FAM13C: variants seen among roughly 807,000 people sequenced by gnomAD.
FAM13C encodes family with sequence similarity 13 member C.
A neutral mutation model predicts 73.2 loss-of-function variants in FAM13C; 37 were observed. That is an observed-to-expected ratio of 0.51 (90% CI 0.39 to 0.67). FAM13C has a LOEUF of 0.67. Among genes scored for constraint, FAM13C ranks in the 30% least tolerant of loss-of-function variants. The pLI, the probability that FAM13C is intolerant of heterozygous loss-of-function variation, is 0.00. For synonymous variants in FAM13C, 246 were observed against 260.9 expected (o/e 0.94, Z 0.55); for missense variants, 589 against 715.6 (o/e 0.82, Z 2.02).
At chr10:59,298,197 C>T (rs1322870434) in intron 5 of FAM13C, among the ~76,000 whole-genome samples, 1 of 152,116 alleles carries the variant, frequency 6.6e-6, no homozygotes, top group African/African-American at 2.4e-5. Flanking sequence ...AATGCCAGCA[C>T]AAGAGAGTTT....
At chr10:59,321,088 C>T (rs905836242) in intron 4 of FAM13C, among the ~76,000 whole-genome samples, 4 of 152,090 alleles carry the variant, frequency 2.6e-5, no homozygotes, top group African/African-American at 4.8e-5. Context: ...TAATAGCTCC[C>T]CAAAGATGTC....
At position 59,355,801 on chromosome 10, in the gene FAM13C, G is replaced by T. The variant is rs1855638318; in HGVS notation, c.119+86C>A. 4 of 1,224,640 alleles carry T rather than the reference G, an allele frequency of 3.3e-6. No homozygotes were observed. In the East Asian group the frequency reaches 9.3e-5, roughly 29 times the overall value. 75.9% of individuals were successfully genotyped at this position (1,224,640 alleles called of 1,614,324 possible). A position where few individuals can be genotyped will look rare whatever the true frequency, so the allele number is the denominator to read the frequency against. ...TGAGAACAAATAATTGGAATTCAAA[G>T]AAGAGACTAGAATTCAAAGGAAAGC... On this transcript the variant is annotated intron_variant, in intron 2 of 13. Transcript: ENST00000618804.
intron 13 of FAM13C, among the ~76,000 whole-genome samples, chr10:59,249,265 G>A (rs527567001): frequency 5.9e-5 from 9 of 151,992 alleles, no homozygotes; most frequent in South Asian, 2.1e-4. Flanking sequence ...TTAGCCACGC[G>A]TGGTGGCGTA....
intron 3 of FAM13C, among the ~76,000 whole-genome samples, chr10:59,340,501 C>A (rs1159713929): frequency 6.6e-6 from 1 of 152,024 alleles, no homozygotes. Context: ...GGCACTTGGC[C>A]CAAGAATGAC....
rs1157318313 is a variant in FAM13C, at chr10:59,252,811, T to C, written c.1520A>G (p.His507Arg). 6.2e-7 allele frequency: 1 copy of C among 1,613,778 alleles called. No homozygotes were observed. The highest frequency in any genetic ancestry group is 8.5e-7 in the Non-Finnish European group (1 of 1,179,962). The change falls in exon 12 of 14, where the codon CAT (histidine) becomes CGT (arginine). Residue 507 changes from histidine to arginine, a missense_variant. By Grantham distance (29) the His-to-Arg change is conservative. Transcript: ENST00000618804. ...KPPALSMSNL[H>R]EATMPVLLDH... is the part of the protein sequence containing the mutation. ...GATTCATACTCACATGGTAGCCTCA[T>C]GTAAATTAGACATGGAGAGAGCTGG... is the stretch of plus-strand genomic sequence containing the variant.
chr10:59,321,409 A>G (rs1390492334), intron 4 of FAM13C, among the ~76,000 whole-genome samples: 2 of 149,742 alleles, frequency 1.3e-5, no homozygotes, highest in Non-Finnish European at 3.0e-5. Context: ...AGCCTCTAGA[A>G]AGGAATGGAG....
At chr10:59,293,057 T>TTTTTTC (rs1228712825) in intron 5 of FAM13C, among the ~76,000 whole-genome samples, 2 of 121,256 alleles carry the variant, frequency 1.6e-5, no homozygotes, top group African/African-American at 6.1e-5. Flanking sequence ...GAGATCAACA[T>TTTTTTC]TTTTTCTTTT....
In FAM13C at chr10:59,268,582, C is replaced by T; in HGVS notation, c.913G>A (p.Glu305Lys). ...SLKRKIRKFE[E>K]KFEQEKKYRP... Reference sequence around the variant, plus strand: ...TATTTCTTTTCTTGTTCAAATTTTTCTTCAAATTTCCGAATTTTCCGCTTG... The same window carrying T: ...TATTTCTTTTCTTGTTCAAATTTTTTTTCAAATTTCCGAATTTTCCGCTTG... The change falls in exon 8 of 14, where the codon GAA becomes AAA. Residue 305 changes from glutamate (E) to lysine (K), a missense_variant. By Grantham distance (56) the Glu-to-Lys change is moderately conservative. Transcript: ENST00000618804. The T allele has an allele frequency of 6.2e-7, 1 of 1,613,824 alleles. No individual in the cohort carries two copies.
intron 13 of FAM13C, among the ~76,000 whole-genome samples, chr10:59,248,058 C>A (rs1038593792): frequency 2.6e-5 from 4 of 152,124 alleles, no homozygotes; most frequent in Non-Finnish European, 5.9e-5. Context: ...TCAAGGCATT[C>A]TTTGTCCAGT....
chr10:59,263,943 T>C (rs1842768407), intron 9 of FAM13C, 142 bp downstream of exon 9: 2 of 760,558 alleles, frequency 2.6e-6, no homozygotes, highest in Middle Eastern at 2.3e-4. Context: ...GGGTGCTTTA[T>C]TTCAAAAGGG....
intron 3 of FAM13C, among the ~76,000 whole-genome samples, chr10:59,351,846 A>G (rs1482674457): frequency 2.6e-5 from 4 of 152,048 alleles, no homozygotes; most frequent in African/African-American, 7.2e-5. Flanking sequence ...ATACAAAAAA[A>G]TTAGCCAGGC....
chr10:59,306,598 G>A (rs578140959), intron 4 of FAM13C, among the ~76,000 whole-genome samples: 6 of 152,316 alleles, frequency 3.9e-5, no homozygotes, highest in Admixed American at 6.5e-5. Context: ...GTGAGAGGCC[G>A]GGCGTTGTGT....
intron 4 of FAM13C, among the ~76,000 whole-genome samples, chr10:59,304,404 T>G (rs1031479362): frequency 3.3e-5 from 5 of 152,218 alleles, no homozygotes; most frequent in Non-Finnish European, 7.3e-5. Context: ...CAACTGCTTT[T>G]GGCATCACTG....
At chr10:59,267,675 C>T (rs1843216455) in intron 8 of FAM13C, among the ~76,000 whole-genome samples, 1 of 152,156 alleles carries the variant, frequency 6.6e-6, no homozygotes, top group African/African-American at 2.4e-5. Context: ...TTCTCACCTC[C>T]CTCCCCAGTA....
intron 8 of FAM13C, among the ~76,000 whole-genome samples, chr10:59,266,271 C>T (rs1843055313): frequency 6.6e-6 from 1 of 152,120 alleles, no homozygotes; most frequent in Non-Finnish European, 1.5e-5. Flanking sequence ...GTCCAATAAT[C>T]AAATGCAAAA....
intron 13 of FAM13C, 133 bp downstream of exon 13, chr10:59,251,442 C>A (rs1412971031): frequency 2.6e-6 from 2 of 774,582 alleles, no homozygotes; most frequent in South Asian, 3.1e-5. Flanking sequence ...TTGGACAAAT[C>A]CTGAGTCTAA....
At chr10:59,320,717 A>C (rs1850117847) in intron 4 of FAM13C, among the ~76,000 whole-genome samples, 1 of 152,246 alleles carries the variant, frequency 6.6e-6, no homozygotes, top group Non-Finnish European at 1.5e-5. Context: ...CGGATTCGTT[A>C]CAGCTCGGCG....
rs534462817 is a variant in FAM13C at position 59,270,278 on chromosome 10, G to A, written c.593-169C>T. ...AAATATTGTCATGTTTATTCTCACA[G>A]AACCTGGACAGAAAATATTACAAAG... is the stretch of plus-strand genomic sequence containing the variant. On this transcript the variant is annotated intron_variant, in intron 6 of 13. Coordinates refer to ENST00000618804, the MANE Select transcript of FAM13C (RefSeq NM_198215.4). 28 of 659,674 alleles carry A rather than the reference G, an allele frequency of 4.2e-5. No homozygotes were observed. The South Asian group carries it at 5.5e-4, about 13-fold the overall frequency. The allele number at this position is 659,674 out of a possible 1,614,324, so 40.9% of individuals were successfully genotyped here. A position where few individuals can be genotyped will look rare whatever the true frequency, so the allele number is the denominator to read the frequency against.
intron 5 of FAM13C, among the ~76,000 whole-genome samples, chr10:59,289,733 G>A (rs541348185): frequency 1.1e-3 from 171 of 152,254 alleles, no homozygotes; most frequent in African/African-American, 3.9e-3. Context: ...CATCATGCCC[G>A]ACTTAGTGAC....
Sources: gnomAD v4.1 joint callset for allele counts (sites outside exome capture counted in the v4.1 genomes callset) on GRCh38, gnomAD v4.1.1 for gene constraint, MANE v1.5 for transcripts, NCBI Gene and HGNC (gene_info 2026-07-23, HGNC 2026-07-21) for gene names.